Variants in CSGALNACT1 observed in about 807,000 individuals in gnomAD.
The protein encoded by CSGALNACT1 is beta4GalNAcT-1.
Under a neutral mutation model 51.0 loss-of-function variants are expected in CSGALNACT1, and 52 were observed. The observed-to-expected ratio is 1.02, with a 90% CI of 0.82 to 1.29. The LOEUF is 1.29. Ranked by LOEUF, CSGALNACT1 falls within the 50% of genes most tolerant of loss-of-function variation. The probability of loss-of-function intolerance (pLI) is 0.00; values close to 1 mark genes in which losing one functional copy is unlikely to be tolerated. For synonymous variants in CSGALNACT1, 341 were observed against 254.4 expected (o/e 1.34, Z -3.24); for missense variants, 935 against 679.2 (o/e 1.38, Z -4.19).
At chr8:19,546,653 C>A (rs2086548327) in intron 3 of CSGALNACT1, among the ~76,000 whole-genome samples, 1 of 152,184 alleles carries the variant, frequency 6.6e-6, no homozygotes, top group Non-Finnish European at 1.5e-5. Context: ...ATTGTTTCTT[C>A]CCCCTACCCA....
chr8:19,514,695 TG>T (rs2079183058), intron 3 of CSGALNACT1, among the ~76,000 whole-genome samples: 1 of 146,682 alleles, frequency 6.8e-6, no homozygotes, highest in Admixed American at 6.8e-5. Flanking sequence ...TAGCCTGGCA[TG>T]GTGGCTCATG....
intron 1 of CSGALNACT1, among the ~76,000 whole-genome samples, chr8:19,680,280 G>C (rs1421449134): frequency 6.6e-6 from 1 of 152,308 alleles, no homozygotes; most frequent in African/African-American, 2.4e-5. Flanking sequence ...TATAGGCCTG[G>C]AATGGTGGCT....
At chr8:19,482,837 G>C (rs1005120319) in intron 4 of CSGALNACT1, among the ~76,000 whole-genome samples, 4 of 152,056 alleles carry the variant, frequency 2.6e-5, no homozygotes, top group African/African-American at 9.7e-5. Context: ...TATTCCAACT[G>C]TCTTGGCCCT....
intron 1 of CSGALNACT1, among the ~76,000 whole-genome samples, chr8:19,673,178 C>G (rs1223229128): frequency 2.6e-5 from 4 of 152,248 alleles, no homozygotes; most frequent in Non-Finnish European, 5.9e-5. Context: ...CATTCATCCA[C>G]TGCACTAAAA....
intron 1 of CSGALNACT1, among the ~76,000 whole-genome samples, chr8:19,655,773 C>A (rs2058218530): frequency 6.6e-6 from 1 of 151,932 alleles, no homozygotes; most frequent in Admixed American, 6.6e-5. Context: ...ATTTTTTTCA[C>A]TTATTGTACA....
chr8:19,662,896 A>T (rs1016024086), intron 1 of CSGALNACT1, among the ~76,000 whole-genome samples: 3 of 152,258 alleles, frequency 2.0e-5, no homozygotes, highest in African/African-American at 4.8e-5. Context: ...TGAGCCTTCA[A>T]CCACTCCCAT....
At chr8:19,520,296 A>T (rs926321544) in intron 3 of CSGALNACT1, among the ~76,000 whole-genome samples, 2 of 152,372 alleles carry the variant, frequency 1.3e-5, no homozygotes, top group Admixed American at 1.3e-4. Flanking sequence ...AATGGAATAA[A>T]AAATGTAGGG....
chr8:19,443,820 C>A (rs918409278), intron 5 of CSGALNACT1, among the ~76,000 whole-genome samples: 1 of 152,118 alleles, frequency 6.6e-6, no homozygotes, highest in African/African-American at 2.4e-5. Flanking sequence ...CTTATATCAG[C>A]AGCCCCCAAA....
chr8:19,413,682 G>T (rs2056331241), intron 8 of CSGALNACT1, among the ~76,000 whole-genome samples: 1 of 152,222 alleles, frequency 6.6e-6, no homozygotes, highest in Non-Finnish European at 1.5e-5. Context: ...AGAGGGCAAG[G>T]ACAGAAGCCA....
intron 4 of CSGALNACT1, among the ~76,000 whole-genome samples, chr8:19,473,323 G>A (rs7839041): frequency 0.76 from 115,968 of 152,080 alleles, 44,778 homozygotes; most frequent in East Asian, 0.87. Context: ...TGATTAACCC[G>A]AAAGCCCTTT....
chr8:19,480,908 G>A (rs2071195660), intron 4 of CSGALNACT1, among the ~76,000 whole-genome samples: 1 of 152,040 alleles, frequency 6.6e-6, no homozygotes, highest in Non-Finnish European at 1.5e-5. Flanking sequence ...TCAACACCAG[G>A]CAATATCGAC....
intron 3 of CSGALNACT1, among the ~76,000 whole-genome samples, chr8:19,515,704 G>C (rs114422927): frequency 0.014 from 2,194 of 152,166 alleles, 48 homozygotes; most frequent in African/African-American, 0.05. Flanking sequence ...TCAAGAAACA[G>C]ACTCAAGTCC....
chr8:19,484,740 G>C (rs2072424897), intron 4 of CSGALNACT1, among the ~76,000 whole-genome samples: 1 of 152,152 alleles, frequency 6.6e-6, no homozygotes, highest in African/African-American at 2.4e-5. Flanking sequence ...ATTGTGTTTG[G>C]AGAATACCAA....
chr8:19,741,923 T>C (rs1225709059), intron 1 of CSGALNACT1, among the ~76,000 whole-genome samples: 1 of 152,198 alleles, frequency 6.6e-6, no homozygotes, highest in African/African-American at 2.4e-5. Context: ...AGGAAAGTGA[T>C]AAAAAGCAAC....
chr8:19,625,145 G>C (rs1221720009), intron 1 of CSGALNACT1, among the ~76,000 whole-genome samples: 2 of 152,294 alleles, frequency 1.3e-5, no homozygotes. Context: ...ACCCTACCTA[G>C]ATGGAGAGGG....
chr8:19,421,492 T>C (rs1337095397), intron 6 of CSGALNACT1, among the ~76,000 whole-genome samples: 2 of 152,192 alleles, frequency 1.3e-5, no homozygotes, highest in Non-Finnish European at 2.9e-5. Flanking sequence ...AGCAAATCCC[T>C]TTTCCTGTCA....
At chr8:19,518,768 C>G (rs774157374) in intron 3 of CSGALNACT1, among the ~76,000 whole-genome samples, 1 of 152,304 alleles carries the variant, frequency 6.6e-6, no homozygotes, top group African/African-American at 2.4e-5. Context: ...GCTAGGCCGT[C>G]AGCACAGGCC....
exon 10 of CSGALNACT1, chr8:19,404,474 G>A (rs1279200157): frequency 8.8e-6 from 4 of 453,620 alleles, no homozygotes; most frequent in Admixed American, 2.4e-5. Flanking sequence ...GCAATTTTCA[G>A]AAGCATCTTG....
At chr8:19,605,807 T>C (rs1416700520), upstream of CSGALNACT1, among the ~76,000 whole-genome samples, 1 of 152,194 alleles carries the variant, frequency 6.6e-6, no homozygotes, top group African/African-American at 2.4e-5. Context: ...CTTTTAATCA[T>C]GTTAAAAGAA....
Sources: allele counts gnomAD v4.1 joint callset (sites outside exome capture counted in the v4.1 genomes callset), GRCh38; gene constraint gnomAD v4.1.1; transcripts MANE v1.5; gene names NCBI Gene and HGNC (gene_info 2026-07-23, HGNC 2026-07-21).